Variants in RPS6KA2 observed in about 807,000 individuals in gnomAD.
RPS6KA2 encodes ribosomal protein S6 kinase A2, also known as ribosomal protein S6 kinase alpha-2.
In RPS6KA2, 42 loss-of-function variants were observed where a neutral mutation model predicts 91.8. The ratio of observed to expected loss-of-function variants is 0.46; its 90% CI spans 0.36 to 0.59. The LOEUF (loss-of-function observed/expected upper bound fraction) is 0.59, where lower values mean the gene tolerates loss of function less well. RPS6KA2 is among the 20% of genes least tolerant of loss of function. RPS6KA2 has a pLI of 0.00. For missense variants in RPS6KA2, 798 were observed against 978.5 expected, an observed-to-expected ratio of 0.82 and a Z score of 2.46; for synonymous variants, 414 against 393.6, an observed-to-expected ratio of 1.05 and a Z score of -0.61.
chr6:166,802,855 A>G (rs1779403306), intron 2 of RPS6KA2, among the ~76,000 whole-genome samples: 1 of 152,170 alleles, frequency 6.6e-6, no homozygotes, highest in Admixed American at 6.5e-5. Context: ...GAATGTAACC[A>G]TAATGTTAAA....
intron 2 of RPS6KA2, among the ~76,000 whole-genome samples, chr6:166,774,048 T>C (rs1324480106): frequency 6.6e-6 from 1 of 152,228 alleles, no homozygotes; most frequent in Non-Finnish European, 1.5e-5. Flanking sequence ...GAATCTTTTT[T>C]TTTAAGTCTA....
chr6:166,679,909 G>A (rs553711938), intron 2 of RPS6KA2, among the ~76,000 whole-genome samples: 1 of 152,376 alleles, frequency 6.6e-6, no homozygotes, highest in South Asian at 2.1e-4. Flanking sequence ...TGGGCTGCAG[G>A]AGTACCTGGA....
chr6:166,746,836 T>A (rs1453845007), intron 2 of RPS6KA2, among the ~76,000 whole-genome samples: 1 of 152,232 alleles, frequency 6.6e-6, no homozygotes, highest in Non-Finnish European at 1.5e-5. Context: ...TCCCTCCTTG[T>A]CTTCAACTAA....
Position 166,648,922 on chromosome 6 carries a change from C to T in RPS6KA2, c.124-110138G>A, listed in dbSNP as rs917665542. On this transcript the variant is annotated intron_variant, in intron 2 of 21. Coordinates refer to the RPS6KA2 transcript ENST00000503859. This position sits in a 1 kb window ranked among gnomAD's most constrained non-coding sequence, Gnocchi z 4.8. ...TACCTTGCAGCGTCTCACCAATTCA[C>T]CTGTCTCTCTAAGGCCACTGGCACC... Among the ~76,000 whole-genome samples, 1 of 152,176 alleles carries T rather than the reference C, an allele frequency of 6.6e-6. No individual in the cohort carries two copies. Among genetic ancestry groups the T allele is most frequent in the African/African-American group, 2.4e-5 (1 of 41,426 alleles).
chr6:166,704,636 T>G (rs1789624360), intron 2 of RPS6KA2, among the ~76,000 whole-genome samples: 1 of 152,150 alleles, frequency 6.6e-6, no homozygotes, highest in African/African-American at 2.4e-5. Context: ...TCTGGCCATG[T>G]GTTTGGGTTT....
chr6:166,862,552 GA>G (rs1781073687), upstream of RPS6KA2: 1 of 288,706 alleles, frequency 3.5e-6, no homozygotes, highest in South Asian at 4.6e-5. Context: ...GCTTCGAATT[GA>G]ATTTCCTGCC....
At chr6:166,827,256 C>CAAAAAA (rs56296433) in intron 2 of RPS6KA2, among the ~76,000 whole-genome samples, 28 of 94,476 alleles carry the variant, frequency 3.0e-4, no homozygotes, top group Non-Finnish European at 3.6e-4. Context: ...CAACCTTATA[C>CAAAAAA]AAAAAAAAAA....
chr6:166,857,583 T>C (rs1780938659), intron 2 of RPS6KA2, among the ~76,000 whole-genome samples: 1 of 152,244 alleles, frequency 6.6e-6, no homozygotes, highest in Non-Finnish European at 1.5e-5. Flanking sequence ...ATCAGGCCCA[T>C]GCTCCTGCAC....
In RPS6KA2 at chr6:166,500,813, G is replaced by T; in HGVS notation, c.604+74C>A. ...AAGGGCGGTGTAAATAAGAGGGCTT[G>T]GGCTTTGAGGTGGTCCCCAAAGGTA... On this transcript the variant is annotated intron_variant, in intron 7 of 20. Transcript: ENST00000265678. This position sits in a 1 kb window ranked among gnomAD's most constrained non-coding sequence, Gnocchi z 4.3. 7.3e-7 allele frequency: 1 copy of T among 1,370,278 alleles called. No homozygotes were observed. The highest frequency in any genetic ancestry group is 1.0e-6 in the Non-Finnish European group (1 of 959,986). The allele number at this position is 1,370,278 out of a possible 1,614,324, so 84.9% of individuals were successfully genotyped here. A position where few individuals can be genotyped will look rare whatever the true frequency, so the allele number is the denominator to read the frequency against.
chr6:166,664,265 GCAT>G (rs57469978), intron 2 of RPS6KA2, among the ~76,000 whole-genome samples: 66,377 of 151,808 alleles, frequency 0.44, 15,512 homozygotes, highest in African/African-American at 0.62. Context: ...AATCAAAAGG[GCAT>G]CATCATCCCT....
intron 3 of RPS6KA2, among the ~76,000 whole-genome samples, chr6:166,515,560 C>T (rs907160467): frequency 1.3e-5 from 2 of 152,218 alleles, no homozygotes; most frequent in Non-Finnish European, 2.9e-5. Flanking sequence ...AATCTCATAT[C>T]AGCATCGGCG....
At chr6:166,731,428 T>A (rs1484890640) in intron 2 of RPS6KA2, among the ~76,000 whole-genome samples, 1 of 151,722 alleles carries the variant, frequency 6.6e-6, no homozygotes, top group Non-Finnish European at 1.5e-5. Context: ...AGTAGCTGAT[T>A]TATGATTAAA....
At chr6:166,507,878 G>A (rs1175279730) in intron 5 of RPS6KA2, among the ~76,000 whole-genome samples, 2 of 130,934 alleles carry the variant, frequency 1.5e-5, no homozygotes, top group African/African-American at 6.0e-5. Context: ...CAAACACCAC[G>A]CACACCCCCC....
At chr6:166,728,494 A>C (rs1175676554) in intron 2 of RPS6KA2, among the ~76,000 whole-genome samples, 1 of 151,804 alleles carries the variant, frequency 6.6e-6, no homozygotes, top group Non-Finnish European at 1.5e-5. Context: ...GGGCCCCTTT[A>C]CTCTGGTCTC....
intron 2 of RPS6KA2, among the ~76,000 whole-genome samples, chr6:166,538,180 G>C (rs1783540400): frequency 6.6e-6 from 1 of 152,212 alleles, no homozygotes; most frequent in Non-Finnish European, 1.5e-5. Flanking sequence ...GGAAGCTGAG[G>C]CTTCATGAGG....
At chr6:166,743,055 A>G (rs941023232) in intron 2 of RPS6KA2, among the ~76,000 whole-genome samples, 4 of 152,232 alleles carry the variant, frequency 2.6e-5, no homozygotes, top group Non-Finnish European at 2.9e-5. Flanking sequence ...AAAAGAGGAC[A>G]AGAATGGCCT....
intron 1 of RPS6KA2, among the ~76,000 whole-genome samples, chr6:166,564,837 C>T (rs1180228426): frequency 2.6e-5 from 4 of 152,192 alleles, no homozygotes; most frequent in African/African-American, 7.2e-5. Flanking sequence ...TCTGAGAGTC[C>T]TCAGGAAGCA....
intron 14 of RPS6KA2, among the ~76,000 whole-genome samples, chr6:166,441,625 T>C (rs1779519866): frequency 6.6e-6 from 1 of 152,182 alleles, no homozygotes; most frequent in Admixed American, 6.5e-5. Context: ...GAACACAAGC[T>C]CCCCTGAGTC....
At chr6:166,483,646 C>T (rs1781312336) in intron 10 of RPS6KA2, among the ~76,000 whole-genome samples, 1 of 152,196 alleles carries the variant, frequency 6.6e-6, no homozygotes, top group Admixed American at 6.5e-5. Flanking sequence ...AAGAGAAGCT[C>T]ATACATGGTC....
Sources: allele counts gnomAD v4.1 joint callset (sites outside exome capture counted in the v4.1 genomes callset), GRCh38; gene constraint gnomAD v4.1.1; non-coding constraint Gnocchi (gnomAD v3.1); transcripts MANE v1.5; gene names NCBI Gene and HGNC (gene_info 2026-07-23, HGNC 2026-07-21).